Variants in EPHB4 observed in about 807,000 individuals in gnomAD.
The protein encoded by EPHB4 is EPH receptor B4, also known as ephrin type-B receptor 4.
Under a neutral mutation model 110.6 loss-of-function variants are expected in EPHB4, and 50 were observed. That is an observed-to-expected ratio of 0.45 (90% confidence interval 0.36 to 0.57). The LOEUF (loss-of-function observed/expected upper bound fraction) is 0.57. Ranked by LOEUF, EPHB4 falls within the 20% of genes least tolerant of loss-of-function variation. The pLI, the probability that EPHB4 is intolerant of heterozygous loss-of-function variation, is 0.00. For synonymous variants in EPHB4, 592 were observed against 578.4 expected, an observed-to-expected ratio of 1.02 and a Z score of -0.34; for missense variants, 1,128 against 1,382.1, an observed-to-expected ratio of 0.82 and a Z score of 2.91.
rs55682161 is a variant in EPHB4, at chr7:100,814,017, G to A, written c.1593C>T (p.Ser531=). The part of the protein sequence containing the change: ...EHHSQTQLDE[S]EGWREQLALI... ...GGGCCAGCTGCTCCCGCCAGCCCTC[G>A]CTCTCTGCGGAAGGAAAGGCTGCTG... Residue 531 remains serine, a synonymous_variant, in exon 9 of 17, where the codon AGC becomes AGT. Transcript: ENST00000358173. 3,842 of 1,613,890 alleles carry A rather than the reference G, an allele frequency of 2.4e-3. 10 individuals are homozygous for A. Among genetic ancestry groups the A allele is most frequent in the Non-Finnish European group, 2.9e-3 (3,463 of 1,179,952 alleles).
intron 12 of EPHB4, among the ~76,000 whole-genome samples, chr7:100,808,640 G>T (rs865818554): frequency 3.3e-5 from 5 of 152,214 alleles, no homozygotes; most frequent in Non-Finnish European, 5.9e-5. Flanking sequence ...TATGACCAAT[G>T]ATCGGTGCAA....
At chr7:100,824,051 G>A in intron 2 of EPHB4, 120 bp from the exon 3 acceptor site, 4 of 1,517,044 alleles carry the variant, frequency 2.6e-6, no homozygotes, top group Middle Eastern at 2.3e-4. Flanking sequence ...TGCGAGGAGG[G>A]CGCCTCTGAG....
rs1812735077 is a variant in EPHB4 at position 100,803,200 on chromosome 7, T to C, written c.*261A>G. 1 of 313,816 alleles carries C rather than the reference T, an allele frequency of 3.2e-6. No homozygotes were observed. 19.4% of individuals were successfully genotyped at this position (313,816 alleles called of 1,614,324 possible). A position where few individuals can be genotyped will look rare whatever the true frequency, so the allele number is the denominator to read the frequency against. On this transcript the variant is annotated 3_prime_UTR_variant, in exon 17 of 17. Transcript: ENST00000358173. ...GGGGAGGCTGGGAGATGTTGGGCAC[T>C]TCCTTTTCCTCTGGTCACACCCAGT...
chr7:100,808,213 C>T (rs1812856851), intron 12 of EPHB4, among the ~76,000 whole-genome samples: 1 of 152,076 alleles, frequency 6.6e-6, no homozygotes, highest in Non-Finnish European at 1.5e-5. Flanking sequence ...TCAACAAATG[C>T]TTTTCTGTTT....
chr7:100,807,352 C>T lies in EPHB4; in HGVS notation c.2334+13G>A. ...CCTAAGAAGCTCACACCCAGTATTA[C>T]CCCCAGCATTACCAGGGAGCTCGTG... On this transcript the variant is annotated intron_variant, in intron 13 of 16. Coordinates refer to ENST00000358173, the MANE Select transcript of EPHB4 (RefSeq NM_004444.5). The T allele has an allele frequency of 6.2e-7, 1 of 1,612,344 alleles. No individual in the cohort carries two copies. Among genetic ancestry groups the T allele is most frequent in the Non-Finnish European group, 8.5e-7 (1 of 1,179,374 alleles).
rs764213009 is a variant in EPHB4 at position 100,818,642 on chromosome 7, G to A, written c.1300C>T (p.Pro434Ser). The A allele has an allele frequency of 2.7e-5, 44 of 1,608,274 alleles. No individual in the cohort carries two copies. The highest frequency in any genetic ancestry group is 4.0e-5 in the African/African-American group (3 of 74,916). ...PVNVTTDREV[P>S]PAVSDIRVTR... is the part of the protein sequence containing the mutation. ...ACCCGGATGTCAGACACTGCAGGAG[G>A]TACTGTGAGAGGCAGAGACACAGGG... The change falls in exon 7 of 17, where the codon CCT becomes TCT. Residue 434 changes from proline (P) to serine (S), a missense_variant and splice_region_variant. Transcript: ENST00000358173.
At chr7:100,815,952 C>T (rs1251888110) in intron 8 of EPHB4, among the ~76,000 whole-genome samples, 1 of 152,150 alleles carries the variant, frequency 6.6e-6, no homozygotes, top group Non-Finnish European at 1.5e-5. Context: ...GGTGCCACCG[C>T]ACTCCAGCCT....
intron 8 of EPHB4, among the ~76,000 whole-genome samples, chr7:100,814,715 A>G (rs1237394429): frequency 6.6e-6 from 1 of 152,212 alleles, no homozygotes; most frequent in Non-Finnish European, 1.5e-5. Flanking sequence ...ACGTCTCCAT[A>G]AAAAGAAATG....
intron 8 of EPHB4, among the ~76,000 whole-genome samples, chr7:100,816,427 A>G (rs2116441399): frequency 6.6e-6 from 1 of 151,136 alleles, no homozygotes; most frequent in South Asian, 2.1e-4. Context: ...TCCACCTCCC[A>G]GGTTCAAGCG....
chr7:100,815,396 A>T (rs1185243500), intron 8 of EPHB4, among the ~76,000 whole-genome samples: 1 of 152,170 alleles, frequency 6.6e-6, no homozygotes, highest in Non-Finnish European at 1.5e-5. Context: ...AACCTTGAAA[A>T]CATTCTGCTC....
rs1354011097 is a variant in EPHB4 at position 100,817,268 on chromosome 7, C to T, written c.1512G>A (p.Leu504=). 2 of 1,606,222 alleles carry T rather than the reference C, an allele frequency of 1.2e-6. No homozygotes were observed. The highest frequency in any genetic ancestry group is 8.5e-7 in the Non-Finnish European group (1 of 1,177,290). ...CCTCAGAGCGCGCCCGTACCTGCAC[C>T]AGGTAGCTGGCTCCCCGCTTCAGCC... ...LRGLKRGASY[L]VQVRARSEAG... is the part of the protein sequence containing the mutation. The change falls in exon 8 of 17, where the codon CTG becomes CTA. Residue 504 remains leucine (L), a synonymous_variant. Transcript: ENST00000358173.
At chr7:100,806,674 G>T in intron 13 of EPHB4, 105 bp from the exon 14 acceptor site, 1 of 1,362,034 alleles carries the variant, frequency 7.3e-7, no homozygotes, top group Non-Finnish European at 9.9e-7. Context: ...TTTCCCCCTA[G>T]CTCAGGCCCC....
Position 100,818,620 on chromosome 7 carries a change from C to G in EPHB4, c.1322G>C (p.Arg441Pro). 6.2e-7 allele frequency: 1 copy of G among 1,612,138 alleles called. No homozygotes were observed. The highest frequency in any genetic ancestry group is 8.5e-7 in the Non-Finnish European group (1 of 1,179,916). Residue 441 changes from arginine to proline, a missense_variant, in exon 7 of 17, where the codon CGG becomes CCG. Around this residue, in one of 3 missense-constraint regions of EPHB4, gnomAD observed 728 missense variants for 828.6 expected, o/e 0.88. Coordinates refer to ENST00000358173, the MANE Select transcript of EPHB4 (RefSeq NM_004444.5). The stretch of plus-strand genomic sequence containing the variant: ...GCTGCTGGGTGAGGACCGCGTCACC[C>G]GGATGTCAGACACTGCAGGAGGTAC... ...REVPPAVSDIRVTRSSPSSLS... is the reference protein window; with the variant it reads ...REVPPAVSDIPVTRSSPSSLS...
In EPHB4 at chr7:100,806,424, T is replaced by C; in HGVS notation, c.2480A>G (p.Gln827Arg). 1 of 1,613,380 alleles carries C rather than the reference T, an allele frequency of 6.2e-7. No individual in the cohort carries two copies. The highest frequency in any genetic ancestry group is 8.5e-7 in the Non-Finnish European group (1 of 1,179,562). The change falls in exon 14 of 17, where the codon CAG (glutamine) becomes CGG (arginine). Residue 827 changes from glutamine (Q) to arginine (R), a missense_variant. By Grantham distance (43) the Gln-to-Arg change is conservative. Around this residue, in one of 3 missense-constraint regions of EPHB4, gnomAD observed 209 missense variants for 240.5 expected, o/e 0.87. Coordinates refer to ENST00000358173, the MANE Select transcript of EPHB4 (RefSeq NM_004444.5). ...GERPYWDMSN[Q>R]DVINAIEQDY... is the part of the protein sequence containing the mutation. ...GTAGGACCACGGGACACTTACGTCC[T>C]GATTGCTCATGTCCCAGTACGGCCT...
At chr7:100,808,205 A>C (rs1254395832) in intron 12 of EPHB4, among the ~76,000 whole-genome samples, 1 of 152,084 alleles carries the variant, frequency 6.6e-6, no homozygotes, top group Non-Finnish European at 1.5e-5. Context: ...GGAAATACTC[A>C]ACAAATGCTT....
intron 3 of EPHB4, among the ~76,000 whole-genome samples, chr7:100,823,312 T>C (rs1813286725): frequency 6.6e-6 from 1 of 152,070 alleles, no homozygotes; most frequent in South Asian, 2.1e-4. Flanking sequence ...ACATCACCGC[T>C]GCAAAGTCTT....
intron 6 of EPHB4, 21 bp downstream of exon 6, chr7:100,819,536 G>A (rs764106073): frequency 3.9e-6 from 6 of 1,533,260 alleles, no homozygotes; most frequent in East Asian, 4.5e-5. Context: ...ACCACCAGCC[G>A]CCCCAGCCCC....
intron 8 of EPHB4, among the ~76,000 whole-genome samples, chr7:100,815,640 AGGGG>A (rs982377743): frequency 8.5e-5 from 13 of 152,202 alleles, no homozygotes; most frequent in African/African-American, 2.9e-4. Context: ...ATTGTATGGC[AGGGG>A]AACTGTATTT....
rs750486999 is a variant in EPHB4, at chr7:100,823,793, C to T, written c.262G>A (p.Ala88Thr). 1.9e-5 allele frequency: 31 copies of T among 1,613,318 alleles called. No individual in the cohort carries two copies. The highest frequency in any genetic ancestry group is 3.3e-5 in the South Asian group (3 of 91,092). The change falls in exon 3 of 17, where the codon GCC becomes ACC. Residue 88 changes from alanine to threonine, a missense_variant. By Grantham distance (58) the Ala-to-Thr change is moderately conservative. Transcript: ENST00000358173. ...VPRRGAVHVY[A>T]TLRFTMLECL... ...TCGAGCATGGTGAAGCGCAGCGTGG[C>T]GTACACGTGGACGGCGCCCCGCCGT... is the stretch of plus-strand genomic sequence containing the variant.
Sources: gnomAD v4.1 joint callset for allele counts (sites outside exome capture counted in the v4.1 genomes callset) on GRCh38, gnomAD v4.1.1 for gene constraint, gnomAD v4.1.1 regional missense constraint, MANE v1.5 for transcripts, NCBI Gene and HGNC (gene_info 2026-07-23, HGNC 2026-07-21) for gene names.